Variants in LBP observed in about 807,000 individuals in gnomAD.
LBP encodes lipopolysaccharide-binding protein.
LBP carries 53 observed loss-of-function variants against 56.6 expected under a neutral mutation model. The observed-to-expected ratio is 0.94, with a 90% confidence interval of 0.75 to 1.18. The LOEUF (loss-of-function observed/expected upper bound fraction) is 1.18, where lower values mean the gene tolerates loss of function less well. LBP is among the 50% of genes most tolerant of loss of function. The pLI is 0.00. For missense variants in LBP, 601 were observed against 598.3 expected (o/e 1.00, Z -0.05); for synonymous variants, 227 against 247.5 (o/e 0.92, Z 0.78).
intron 4 of LBP, among the ~76,000 whole-genome samples, chr20:38,355,000 T>G (rs114618390): frequency 0.046 from 6,997 of 152,242 alleles, 354 homozygotes; most frequent in Middle Eastern, 0.14. Context: ...GAGGATGGCT[T>G]CAGGCCAGGC....
Position 38,373,952 on chromosome 20 carries a change from G to T in LBP, c.1340G>T (p.Gly447Val), listed in dbSNP as rs901990618. Residue 447 changes from glycine (G) to valine (V), a missense_variant, in exon 14 of 15, where the codon GGC becomes GTC. Physicochemically the swap from Gly to Val is moderately radical, Grantham distance 109 (BLOSUM62 -3). Transcript: ENST00000217407. ...CAACCTCTAGATAAGTTGGCCGAAGGCTTCCCCCTTCCTCTGCTGAAGCGT... is the reference window on the plus strand; with the variant it reads ...CAACCTCTAGATAAGTTGGCCGAAGTCTTCCCCCTTCCTCTGCTGAAGCGT... ...YPKFNDKLAE[G>V]FPLPLLKRVQ... is the part of the protein sequence containing the mutation. 6.2e-7 allele frequency: 1 copy of T among 1,614,034 alleles called. No individual in the cohort carries two copies. The highest frequency in any genetic ancestry group is 8.5e-7 in the Non-Finnish European group (1 of 1,180,004).
chr20:38,360,977 A>G (rs1002197368), intron 6 of LBP, among the ~76,000 whole-genome samples: 5 of 152,164 alleles, frequency 3.3e-5, no homozygotes, highest in Admixed American at 6.5e-5. Flanking sequence ...AGCCTGGCCA[A>G]CATGGTGAAA....
chr20:38,355,439 C>A, intron 5 of LBP, 30 bp downstream of exon 5: 3 of 1,593,848 alleles, frequency 1.9e-6, no homozygotes, highest in Non-Finnish European at 2.6e-6. Context: ...TGGCCTCCCC[C>A]GAGCTTGGCG....
At chr20:38,364,411 G>T (rs1033038123) in intron 7 of LBP, among the ~76,000 whole-genome samples, 165 bp from the exon 8 acceptor site, 4 of 152,170 alleles carry the variant, frequency 2.6e-5, no homozygotes, top group African/African-American at 9.7e-5. Flanking sequence ...ATGTAGCAAA[G>T]CTTCTGGTGA....
At chr20:38,366,904 C>A in intron 9 of LBP, 76 bp downstream of exon 9, 1 of 1,310,242 alleles carries the variant, frequency 7.6e-7, no homozygotes, top group South Asian at 1.2e-5. Flanking sequence ...AAAACCTCTG[C>A]ATCTCTCAGC....
chr20:38,351,787 G>C (rs1018202055), intron 3 of LBP, among the ~76,000 whole-genome samples: 1 of 152,170 alleles, frequency 6.6e-6, no homozygotes, highest in Non-Finnish European at 1.5e-5. Flanking sequence ...TTGGGAGGCT[G>C]AGGCGGGAAG....
chr20:38,353,997 T>C (rs2076829651), intron 3 of LBP, among the ~76,000 whole-genome samples: 2 of 151,924 alleles, frequency 1.3e-5, no homozygotes, highest in Non-Finnish European at 2.9e-5. Flanking sequence ...ACATATGGCA[T>C]TTTTTTTGTC....
intron 1 of LBP, among the ~76,000 whole-genome samples, chr20:38,347,281 C>T (rs571582356): frequency 1.3e-5 from 2 of 152,192 alleles, no homozygotes; most frequent in African/African-American, 2.4e-5. Context: ...CAGTGGCTCA[C>T]GCCTGTAATC....
At chr20:38,376,477 G>A in intron 14 of LBP, 148 bp from the exon 15 acceptor site, 1 of 729,482 alleles carries the variant, frequency 1.4e-6, no homozygotes, top group Non-Finnish European at 2.5e-6. Flanking sequence ...GAGAGCTTGG[G>A]GACTGAGGCA....
In LBP at chr20:38,373,084, G is replaced by C. The variant is rs2076906048; in HGVS notation, c.1273G>C (p.Glu425Gln). 6.2e-7 allele frequency: 1 copy of C among 1,613,926 alleles called. No individual in the cohort carries two copies. The highest frequency in any genetic ancestry group is 1.3e-5 in the African/African-American group (1 of 75,042). Residue 425 changes from glutamate (E) to glutamine (Q), a missense_variant, in exon 13 of 15, where the codon GAA becomes CAA. Physicochemically the swap from Glu to Gln is conservative, Grantham distance 29. Transcript: ENST00000217407. ...KVGLFNAELL[E>Q]ALLNYYILNT... ...TGTTCTCTTCCAGGCAGAGCTGTTGGAAGCGCTCCTCAACTATTACATCCT... is the reference window on the plus strand; with the variant it reads ...TGTTCTCTTCCAGGCAGAGCTGTTGCAAGCGCTCCTCAACTATTACATCCT...
intron 9 of LBP, among the ~76,000 whole-genome samples, chr20:38,367,405 G>T (rs748867825): frequency 1.3e-5 from 2 of 152,088 alleles, no homozygotes; most frequent in Non-Finnish European, 2.9e-5. Context: ...AGTGAGCTGT[G>T]ATTGCACCAC....
At chr20:38,374,321 G>A (rs1157676931) in intron 14 of LBP, among the ~76,000 whole-genome samples, 4 of 152,174 alleles carry the variant, frequency 2.6e-5, no homozygotes, top group Non-Finnish European at 4.4e-5. Flanking sequence ...ACTGCGGGCC[G>A]GGTGCAGTGG....
chr20:38,366,765 G>T lies in LBP; in HGVS notation c.922-4G>T, dbSNP rs2076883525. ...TAAAACTTCTTCATGTCTCTTTGCT[G>T]CAGATACCGCCTGACTCTAATATCC... On this transcript the variant is annotated splice_region_variant and splice_polypyrimidine_tract_variant and intron_variant, in intron 8 of 14. Coordinates refer to ENST00000217407, the MANE Select transcript of LBP (RefSeq NM_004139.5). 4 of 1,613,968 alleles carry T rather than the reference G, an allele frequency of 2.5e-6. No homozygotes were observed. The highest frequency in any genetic ancestry group is 3.4e-6 in the Non-Finnish European group (4 of 1,179,956).
chr20:38,362,367 T>C (rs62201547), intron 6 of LBP, among the ~76,000 whole-genome samples: 8,354 of 143,052 alleles, frequency 0.058, 282 homozygotes, highest in South Asian at 0.12. Context: ...AATCCCAACA[T>C]TTAGGGAGGC....
intron 3 of LBP, among the ~76,000 whole-genome samples, chr20:38,352,975 T>C (rs1002476029): frequency 1.3e-5 from 2 of 152,170 alleles, no homozygotes; most frequent in African/African-American, 4.8e-5. Context: ...GTGGCTCTCA[T>C]TCTATTGCTT....
At chr20:38,368,073 T>C (rs893844733) in intron 9 of LBP, among the ~76,000 whole-genome samples, 2 of 150,532 alleles carry the variant, frequency 1.3e-5, no homozygotes, top group Non-Finnish European at 1.5e-5. Context: ...GAAAGAAATG[T>C]TCTGTGGAAT....
At position 38,372,909 on chromosome 20, in the gene LBP, C is replaced by T. The variant is rs193188296; in HGVS notation, c.1261-163C>T. On this transcript the variant is annotated intron_variant, in intron 12 of 14. Transcript: ENST00000217407. The stretch of plus-strand genomic sequence containing the variant: ...TGTAACTTTCCAAAATTTTTCTATT[C>T]ACTTGCATACCAAATGTTCATCTCA... Among the ~76,000 whole-genome samples, 816 of 152,254 alleles carry T rather than the reference C, an allele frequency of 5.4e-3. 12 individuals carry two copies. The highest frequency in any genetic ancestry group is 0.019 in the African/African-American group (779 of 41,542).
intron 11 of LBP, 35 bp downstream of exon 11, chr20:38,370,840 G>A (rs2076898401): frequency 6.5e-7 from 1 of 1,534,940 alleles, no homozygotes; most frequent in Non-Finnish European, 9.0e-7. Context: ...GGGGTGCCCA[G>A]CTGGACTCCA....
Position 38,353,055 on chromosome 20 carries a change from C to T in LBP, c.369-1229C>T, listed in dbSNP as rs898782437. On this transcript the variant is annotated intron_variant, in intron 3 of 14. Coordinates refer to ENST00000217407, the MANE Select transcript of LBP (RefSeq NM_004139.5). ...TTCTAGTTCCATGAAAGGAACTGGC[C>T]ACACTCTCTTACCCTGGCTTTTGTC... 2.6e-5 allele frequency among the ~76,000 whole-genome samples: 4 copies of T among 152,082 alleles called. No homozygotes were observed. In the East Asian group the frequency reaches 7.7e-4, roughly 29 times the overall value.
Sources: allele counts gnomAD v4.1 joint callset (sites outside exome capture counted in the v4.1 genomes callset), GRCh38; gene constraint gnomAD v4.1.1; transcripts MANE v1.5; gene names NCBI Gene and HGNC (gene_info 2026-07-23, HGNC 2026-07-21).